Variants in MCEE observed in about 807,000 individuals in gnomAD.
MCEE encodes the protein methylmalonyl-CoA epimerase, mitochondrial.
In MCEE, 6 loss-of-function variants were observed where a neutral mutation model predicts 12.9. The observed-to-expected ratio is 0.47, with a 90% CI of 0.26 to 0.92. The LOEUF is 0.92. Among genes scored for constraint, MCEE ranks in the 40% least tolerant of loss-of-function variants. MCEE has a pLI of 0.16. For missense variants in MCEE, 214 were observed against 212.1 expected (o/e 1.01, Z -0.05); for synonymous variants, 78 against 77.9 (o/e 1.00, Z -0.01).
chr2:71,123,239 C>A (rs900655786), intron 2 of MCEE, among the ~76,000 whole-genome samples: 8 of 152,178 alleles, frequency 5.3e-5, no homozygotes, highest in Non-Finnish European at 1.2e-4. Flanking sequence ...CGCCTATAAT[C>A]CCAGCACTTT....
rs557385478 is a variant in MCEE at position 71,123,227 on chromosome 2, C to T, written c.378+979G>A. ...GCCTAACAGGCCAGGCAAGGTGGCT[C>T]ACGCCTATAATCCCAGCACTTTGAG... is the stretch of plus-strand genomic sequence containing the variant. On this transcript the variant is annotated intron_variant, in intron 2 of 2. Coordinates refer to ENST00000244217, the MANE Select transcript of MCEE (RefSeq NM_032601.4). Among the ~76,000 whole-genome samples, 13 of 152,324 alleles carry T rather than the reference C, an allele frequency of 8.5e-5. No individual in the cohort carries two copies. In the East Asian group the frequency reaches 2.3e-3, roughly 27 times the overall value.
chr2:71,126,847 C>T (rs1218231352), intron 1 of MCEE, among the ~76,000 whole-genome samples: 2 of 152,116 alleles, frequency 1.3e-5, no homozygotes, highest in East Asian at 3.8e-4. Context: ...TTAATAAATG[C>T]ATAAATTATG....
chr2:71,117,899 A>G lies in MCEE; in HGVS notation c.378+6307T>C, dbSNP rs1673024647. 2.0e-5 allele frequency among the ~76,000 whole-genome samples: 3 copies of G among 149,608 alleles called. No individual in the cohort carries two copies. The South Asian group carries it at 6.3e-4, about 31-fold the overall frequency. ...CTGCAGCCCCTCCCTCAGCCTCAGCACTGCACTCATCACCCTCCATGTGCT... is the reference window on the plus strand; with the variant it reads ...CTGCAGCCCCTCCCTCAGCCTCAGCGCTGCACTCATCACCCTCCATGTGCT... On this transcript the variant is annotated intron_variant, in intron 2 of 2. Transcript: ENST00000244217.
At chr2:71,111,553 G>C (rs1019455181) in intron 2 of MCEE, among the ~76,000 whole-genome samples, 6 of 152,042 alleles carry the variant, frequency 3.9e-5, no homozygotes, top group African/African-American at 1.5e-4. Flanking sequence ...CTCTGTGTGT[G>C]GATTATTCCC....
chr2:71,114,847 AC>A (rs1337480298), intron 2 of MCEE, among the ~76,000 whole-genome samples: 1 of 152,160 alleles, frequency 6.6e-6, no homozygotes, highest in Admixed American at 6.5e-5. Flanking sequence ...AAACTGTTGA[AC>A]CTGGGTGATG....
chr2:71,112,042 T>C (rs1022061250), intron 2 of MCEE, among the ~76,000 whole-genome samples: 2 of 152,234 alleles, frequency 1.3e-5, no homozygotes, highest in African/African-American at 2.4e-5. Context: ...AAAAGTGTCA[T>C]TACATGTCAT....
rs1295126562 is a variant in MCEE at position 71,124,558 on chromosome 2, A to G, written c.41-15T>C. The G allele has an allele frequency of 1.3e-6, 2 of 1,590,378 alleles. No homozygotes were observed. Among genetic ancestry groups the G allele is most frequent in the African/African-American group, 1.3e-5 (1 of 74,450 alleles). Reference sequence around the variant, plus strand: ...GGAAAAAAGCCCTGAAAAATTGAACAGCCATTGATATCCTTCTTTTGAGAA... The same window carrying G: ...GGAAAAAAGCCCTGAAAAATTGAACGGCCATTGATATCCTTCTTTTGAGAA... On this transcript the variant is annotated splice_polypyrimidine_tract_variant and intron_variant, in intron 1 of 2. Coordinates refer to ENST00000244217, the MANE Select transcript of MCEE (RefSeq NM_032601.4).
intron 2 of MCEE, among the ~76,000 whole-genome samples, chr2:71,122,967 G>A (rs772161045): frequency 5.3e-5 from 8 of 152,188 alleles, no homozygotes; most frequent in Non-Finnish European, 1.2e-4. Flanking sequence ...TCCTTCATCT[G>A]TGCTACTGCA....
chr2:71,113,596 G>C (rs1312374874), intron 2 of MCEE, among the ~76,000 whole-genome samples: 2 of 152,086 alleles, frequency 1.3e-5, no homozygotes, highest in East Asian at 3.8e-4. Context: ...AAATGATCGG[G>C]GTATGTCAAA....
rs898507564 is a variant in MCEE at position 71,119,795 on chromosome 2, T to C, written c.378+4411A>G. Among the ~76,000 whole-genome samples the C allele has an allele frequency of 3.3e-5, 5 of 150,260 alleles. No individual in the cohort carries two copies. The South Asian group carries it at 1.0e-3, about 31-fold the overall frequency. ...GCGGCTGAGCATGGTGGTTCATGCCTGTAATCCCAGTGCTTTGGAAGGGCT... is the reference window on the plus strand; with the variant it reads ...GCGGCTGAGCATGGTGGTTCATGCCCGTAATCCCAGTGCTTTGGAAGGGCT... On this transcript the variant is annotated intron_variant, in intron 2 of 2. Coordinates refer to ENST00000244217, the MANE Select transcript of MCEE (RefSeq NM_032601.4).
chr2:71,123,328 C>G (rs1210156483), intron 2 of MCEE, among the ~76,000 whole-genome samples: 1 of 152,002 alleles, frequency 6.6e-6, no homozygotes. Flanking sequence ...CTCATCTCTA[C>G]TAAAAATACA....
At chr2:71,125,727 A>C (rs1673216778) in intron 1 of MCEE, among the ~76,000 whole-genome samples, 2 of 152,146 alleles carry the variant, frequency 1.3e-5, no homozygotes, top group African/African-American at 4.8e-5. Flanking sequence ...CATTCCATTC[A>C]TTTAGCAAAC....
chr2:71,126,610 C>T (rs1326370974), intron 1 of MCEE, among the ~76,000 whole-genome samples: 1 of 135,074 alleles, frequency 7.4e-6, no homozygotes, highest in Non-Finnish European at 1.6e-5. Context: ...CAATAAAAAT[C>T]CAAAGGTGAA....
At chr2:71,120,247 A>G (rs1673072501) in intron 2 of MCEE, among the ~76,000 whole-genome samples, 1 of 150,204 alleles carries the variant, frequency 6.7e-6, no homozygotes, top group South Asian at 2.1e-4. Flanking sequence ...CTTCACTGTG[A>G]CACACTGTGC....
Position 71,115,966 on chromosome 2 carries a change from A to T in MCEE, c.379-5844T>A, listed in dbSNP as rs10177692. Reference sequence around the variant, plus strand: ...ATCCCAGAACTTAAAGTATTAATTTAAAAAAGGGGGGGGTTATGGTTTTTT... The same window carrying T: ...ATCCCAGAACTTAAAGTATTAATTTTAAAAAGGGGGGGGTTATGGTTTTTT... On this transcript the variant is annotated intron_variant, in intron 2 of 2. Transcript: ENST00000244217. Among the ~76,000 whole-genome samples, 1,311 of 150,240 alleles carry T rather than the reference A, an allele frequency of 8.7e-3. 136 individuals carry two copies. Among genetic ancestry groups the T allele is most frequent in the African/African-American group, 0.031 (1,217 of 39,676 alleles).
Position 71,124,517 on chromosome 2 carries a change from T to A in MCEE, c.67A>T (p.Ile23Phe), listed in dbSNP as rs763486095. The A allele has an allele frequency of 3.7e-6, 6 of 1,614,052 alleles. No homozygotes were observed. The highest frequency in any genetic ancestry group is 4.2e-6 in the Non-Finnish European group (5 of 1,180,036). ...GTGGAAGAAGCTCTTACTGTTGGAATGGGAGCTTGAAGTCTGGAAAAAAGC... is the reference window on the plus strand; with the variant it reads ...GTGGAAGAAGCTCTTACTGTTGGAAAGGGAGCTTGAAGTCTGGAAAAAAGC... ...VGLFSRLQAP[I>F]PTVRASSTSQ... The change falls in exon 2 of 3, where the codon ATT (isoleucine) becomes TTT (phenylalanine). Residue 23 changes from isoleucine (I) to phenylalanine (F), a missense_variant. Physicochemically the swap from Ile to Phe is conservative, Grantham distance 21 (BLOSUM62 0). Transcript: ENST00000244217.
At position 71,109,927 on chromosome 2, in the gene MCEE, A is replaced by G; in HGVS notation, c.*43T>C. The G allele has an allele frequency of 6.2e-7, 1 of 1,603,440 alleles. No homozygotes were observed. On this transcript the variant is annotated 3_prime_UTR_variant, in exon 3 of 3. Transcript: ENST00000244217. ...ATAGTACATTTTGATAGTATTTGAT[A>G]GGCTTTTTCAGGTCAATTAATTTAG...
intron 2 of MCEE, among the ~76,000 whole-genome samples, chr2:71,111,545 CTG>C (rs1171746069): frequency 1.3e-5 from 2 of 152,288 alleles, no homozygotes; most frequent in African/African-American, 4.8e-5. Flanking sequence ...ATCCCCACCT[CTG>C]TGTGTGGATT....
chr2:71,130,106 G>T, intron 1 of MCEE, 74 bp downstream of exon 1: 1 of 1,464,910 alleles, frequency 6.8e-7, no homozygotes, highest in Non-Finnish European at 9.4e-7. Flanking sequence ...GCCACGCCGA[G>T]GCCTCCTCCG....
Sources: allele counts gnomAD v4.1 joint callset (sites outside exome capture counted in the v4.1 genomes callset), GRCh38; gene constraint gnomAD v4.1.1; transcripts MANE v1.5; gene names NCBI Gene and HGNC (gene_info 2026-07-23, HGNC 2026-07-21).